Variants in TSPAN33 observed in about 807,000 individuals in gnomAD.
TSPAN33 encodes tetraspanin-33.
In TSPAN33, 27 loss-of-function variants were observed where a neutral mutation model predicts 34.8. The ratio of observed to expected loss-of-function variants is 0.78; its 90% CI spans 0.57 to 1.07. The LOEUF (loss-of-function observed/expected upper bound fraction) is 1.07, where lower values mean the gene tolerates loss of function less well. Among genes scored for constraint, TSPAN33 ranks in the 50% least tolerant of loss-of-function variants. The pLI, the probability that TSPAN33 is intolerant of heterozygous loss-of-function variation, is 0.00. For missense variants in TSPAN33, 272 were observed against 324.9 expected (o/e 0.84, Z 1.25); for synonymous variants, 119 against 124.2 (o/e 0.96, Z 0.28).
intron 5 of TSPAN33, 69 bp from the exon 6 acceptor site, chr7:129,166,709 T>C: frequency 6.4e-7 from 1 of 1,571,914 alleles, no homozygotes; most frequent in Non-Finnish European, 8.6e-7. Context: ...TTGGTGGCTC[T>C]GAGAATTCCC....
In TSPAN33 at chr7:129,162,478, G is replaced by C; in HGVS notation, c.245G>C (p.Gly82Ala). 1 of 1,613,892 alleles carries C rather than the reference G, an allele frequency of 6.2e-7. No individual in the cohort carries two copies. Among genetic ancestry groups the C allele is most frequent in the African/African-American group, 1.3e-5 (1 of 75,050 alleles). Residue 82 changes from glycine (G) to alanine (A), a missense_variant, in exon 3 of 8, where the codon GGC (glycine) becomes GCC (alanine). By Grantham distance (60) the Gly-to-Ala change is moderately conservative. Transcript: ENST00000486685. ...CTCATGTTCCTGCTCACCTTCTGTG[G>C]CTGCATTGGGTCCCTCCGCGAGAAC... is the stretch of plus-strand genomic sequence containing the variant. ...GVLMFLLTFC[G>A]CIGSLRENIC... is the part of the protein sequence containing the mutation.
intron 1 of TSPAN33, among the ~76,000 whole-genome samples, chr7:129,150,790 GTGA>G (rs892095098): frequency 6.6e-5 from 10 of 152,144 alleles, no homozygotes; most frequent in African/African-American, 2.4e-4. Flanking sequence ...GGCGTGGAGA[GTGA>G]GGCTGAGCGC....
chr7:129,167,274 T>C lies in TSPAN33; in HGVS notation c.589-125T>C. ...CTGCATTTGGCAACTTCCAACCCAA[T>C]ATCCTCCACATATATTCTCTGACAA... On this transcript the variant is annotated intron_variant, in intron 6 of 7. Coordinates refer to ENST00000486685, the MANE Select transcript of TSPAN33 (RefSeq NM_178562.5). This position sits in a 1 kb window ranked among gnomAD's most constrained non-coding sequence, Gnocchi z 4.6. 8.2e-7 allele frequency: 1 copy of C among 1,226,032 alleles called. No homozygotes were observed. The allele number at this position is 1,226,032 out of a possible 1,614,324, so 75.9% of individuals were successfully genotyped here.
In TSPAN33 at chr7:129,166,819, G is replaced by A; in HGVS notation, c.501G>A (p.Gln167=). The part of the protein sequence containing the change: ...CGGISYKDWS[Q]NMYFNCSEDN... ...GGATTTCCTACAAGGACTGGTCTCA[G>A]AACATGTATTTCAACTGCTCAGAAG... Residue 167 remains glutamine (Q), a synonymous_variant, in exon 6 of 8, where the codon CAG becomes CAA. Coordinates refer to ENST00000486685, the MANE Select transcript of TSPAN33 (RefSeq NM_178562.5). 1 of 1,614,212 alleles carries A rather than the reference G, an allele frequency of 6.2e-7. No homozygotes were observed. Among genetic ancestry groups the A allele is most frequent in the Non-Finnish European group, 8.5e-7 (1 of 1,180,036 alleles).
intron 1 of TSPAN33, among the ~76,000 whole-genome samples, chr7:129,155,979 G>A (rs569551253): frequency 7.2e-5 from 11 of 151,926 alleles, no homozygotes; most frequent in East Asian, 3.9e-4. Context: ...CATCCTCCCC[G>A]CTCGACCTCC....
rs143750656 is a variant in TSPAN33, at chr7:129,158,213, A to G, written c.103-3466A>G. Among the ~76,000 whole-genome samples the G allele has an allele frequency of 8.1e-4, 123 of 152,340 alleles. No individual in the cohort carries two copies. In the East Asian group the frequency reaches 0.02, roughly 25 times the overall value. On this transcript the variant is annotated intron_variant, in intron 1 of 7. Coordinates refer to ENST00000486685, the MANE Select transcript of TSPAN33 (RefSeq NM_178562.5). ...CCTCAGGGATAATTTCCCTAGCTCA[A>G]AATTCTTAATCACATTTGCAAAGTT...
intron 1 of TSPAN33, 95 bp from the exon 2 acceptor site, chr7:129,161,584 A>T: frequency 1.6e-6 from 2 of 1,212,372 alleles, no homozygotes; most frequent in East Asian, 4.7e-5. Context: ...GTCCCAGGAA[A>T]GCAGTCCTTC....
Position 129,165,766 on chromosome 7 carries a change from CG to C in TSPAN33, c.460-1009del, listed in dbSNP as rs1384033493. On this transcript the variant is annotated intron_variant, in intron 5 of 7. Transcript: ENST00000486685. This position sits in a 1 kb window ranked among gnomAD's most constrained non-coding sequence, Gnocchi z 4.5. ...TTCCACCAAAAATACAAAAATTAGCCGGGTTTGGTGGCGCACACCTGTAGTC... is the reference window on the plus strand; with the variant it reads ...TTCCACCAAAAATACAAAAATTAGCCGGTTTGGTGGCGCACACCTGTAGTC... 6.6e-6 allele frequency among the ~76,000 whole-genome samples: 1 copy of C among 152,006 alleles called. No individual in the cohort carries two copies. Among genetic ancestry groups the C allele is most frequent in the Non-Finnish European group, 1.5e-5 (1 of 67,998 alleles).
At chr7:129,146,592 T>G (rs1810523608) in intron 1 of TSPAN33, among the ~76,000 whole-genome samples, 1 of 152,100 alleles carries the variant, frequency 6.6e-6, no homozygotes, top group Non-Finnish European at 1.5e-5. Context: ...TGGGCAGTAT[T>G]AGTAGTTAAC....
At chr7:129,155,439 A>G (rs904598755) in intron 1 of TSPAN33, among the ~76,000 whole-genome samples, 4 of 152,372 alleles carry the variant, frequency 2.6e-5, no homozygotes, top group African/African-American at 9.6e-5. Flanking sequence ...TGGATGTTCT[A>G]AATACCCTGA....
intron 1 of TSPAN33, among the ~76,000 whole-genome samples, chr7:129,145,620 G>C (rs1387960970): frequency 6.7e-6 from 1 of 149,600 alleles, no homozygotes; most frequent in African/African-American, 2.5e-5. Flanking sequence ...TCCCATCCCA[G>C]CACTGCCCCA....
Position 129,148,170 on chromosome 7 carries a change from C to A in TSPAN33, c.102+3088C>A, listed in dbSNP as rs541746509. Among the ~76,000 whole-genome samples the A allele has an allele frequency of 6.6e-6, 1 of 152,188 alleles. No individual in the cohort carries two copies. The highest frequency in any genetic ancestry group is 2.4e-5 in the African/African-American group (1 of 41,436). On this transcript the variant is annotated intron_variant, in intron 1 of 7. Coordinates refer to ENST00000486685, the MANE Select transcript of TSPAN33 (RefSeq NM_178562.5). This position sits in a 1 kb window ranked among gnomAD's most constrained non-coding sequence, Gnocchi z 4.2. ...CAGGAATATTCAGTGCCGCCCACCT[C>A]CTTCCTCGCTGGTCCTTTTCCCACT...
chr7:129,145,114 CG>C, intron 1 of TSPAN33, 32 bp downstream of exon 1: 2 of 660,560 alleles, frequency 3.0e-6, no homozygotes, highest in Non-Finnish European at 5.6e-6. Context: ...ACCTGGGCGG[CG>C]GGGTCCCCCC....
intron 4 of TSPAN33, among the ~76,000 whole-genome samples, chr7:129,163,245 T>C (rs1035785980): frequency 6.6e-6 from 1 of 152,102 alleles, no homozygotes; most frequent in African/African-American, 2.4e-5. Flanking sequence ...GCCTCTTATT[T>C]CTTTTAAAAA....
At position 129,152,689 on chromosome 7, in the gene TSPAN33, AAAACAAAC is replaced by A. The variant is rs35282489; in HGVS notation, c.102+7625_102+7632del. Among the ~76,000 whole-genome samples the A allele has an allele frequency of 3.7e-3, 555 of 151,600 alleles. 6 individuals are homozygous for A. Among genetic ancestry groups the A allele is most frequent in the African/African-American group, 0.013 (516 of 41,276 alleles). On this transcript the variant is annotated intron_variant, in intron 1 of 7. Transcript: ENST00000486685. ...GTGACAGAGTGAGACTCCATCTCAA[AAAACAAAC>A]AAACAAACAAACAAACAGGAAATGA...
chr7:129,145,299 G>A (rs1041224198), intron 1 of TSPAN33, among the ~76,000 whole-genome samples: 1 of 152,178 alleles, frequency 6.6e-6, no homozygotes, highest in South Asian at 2.1e-4. Context: ...AAAGACTGAT[G>A]GGTATTCTCG....
chr7:129,157,039 A>G (rs1810673392), intron 1 of TSPAN33, among the ~76,000 whole-genome samples: 1 of 152,244 alleles, frequency 6.6e-6, no homozygotes, highest in Non-Finnish European at 1.5e-5. Context: ...AAAGCTATCC[A>G]AAGAAGAGAA....
intron 5 of TSPAN33, chr7:129,164,783 G>T (rs926027723): frequency 1.2e-5 from 6 of 480,812 alleles, no homozygotes; most frequent in African/African-American, 9.8e-5. Flanking sequence ...GTTATAAATG[G>T]TTACCTACAG....
At chr7:129,164,773 G>A (rs1793111703) in intron 5 of TSPAN33, 1 of 500,926 alleles carries the variant, frequency 2.0e-6, no homozygotes, top group South Asian at 2.1e-5. Context: ...AATCTACTGT[G>A]TTATAAATGG....
Sources: allele counts gnomAD v4.1 joint callset (sites outside exome capture counted in the v4.1 genomes callset), GRCh38; gene constraint gnomAD v4.1.1; non-coding constraint Gnocchi (gnomAD v3.1); transcripts MANE v1.5; gene names NCBI Gene and HGNC (gene_info 2026-07-23, HGNC 2026-07-21).